MYO3B: variants seen among roughly 807,000 people sequenced by gnomAD.
MYO3B encodes myosin IIIB.
Under a neutral mutation model 174.6 loss-of-function variants are expected in MYO3B, and 156 were observed. The observed-to-expected ratio is 0.89, with a 90% CI of 0.78 to 1.02. MYO3B has a LOEUF of 1.02. Ranked by LOEUF, MYO3B falls within the 50% of genes least tolerant of loss-of-function variation. MYO3B has a pLI of 0.00. For synonymous variants in MYO3B, 563 were observed against 569.1 expected, an observed-to-expected ratio of 0.99 and a Z score of 0.15; for missense variants, 1,632 against 1,639.4, an observed-to-expected ratio of 1.00 and a Z score of 0.08.
intron 22 of MYO3B, among the ~76,000 whole-genome samples, chr2:170,418,107 C>A (rs1241134264): frequency 6.6e-6 from 1 of 152,170 alleles, no homozygotes; most frequent in Non-Finnish European, 1.5e-5. Context: ...TCAGTGAGGT[C>A]ACGTCCTAGT....
chr2:170,320,790 T>C (rs1011753989), intron 7 of MYO3B, among the ~76,000 whole-genome samples: 1 of 151,810 alleles, frequency 6.6e-6, no homozygotes, highest in Non-Finnish European at 1.5e-5. Context: ...GCATTACAAC[T>C]GGAAATAAAC....
chr2:170,525,804 G>A (rs1158809526), intron 30 of MYO3B, among the ~76,000 whole-genome samples: 1 of 152,230 alleles, frequency 6.6e-6, no homozygotes, highest in Admixed American at 6.5e-5. Context: ...CCGACTGTGG[G>A]CCAGATTTTC....
chr2:170,601,100 G>A (rs6433222), intron 32 of MYO3B, among the ~76,000 whole-genome samples: 3,943 of 152,046 alleles, frequency 0.026, 155 homozygotes, highest in African/African-American at 0.087. Context: ...ATTCAAAATG[G>A]GCAAAAGCTT....
At chr2:170,575,300 A>G (rs974493157) in intron 32 of MYO3B, among the ~76,000 whole-genome samples, 9 of 152,136 alleles carry the variant, frequency 5.9e-5, no homozygotes, top group Admixed American at 4.6e-4. Flanking sequence ...GTATTTATAT[A>G]TTCCCATATG....
At chr2:170,589,446 C>G (rs1216905955) in intron 32 of MYO3B, among the ~76,000 whole-genome samples, 2 of 152,060 alleles carry the variant, frequency 1.3e-5, no homozygotes, top group Non-Finnish European at 2.9e-5. Context: ...TGAAGACCTT[C>G]CAGTGGGACA....
chr2:170,437,141 G>A lies in MYO3B; in HGVS notation c.2651-6826G>A, dbSNP rs117856534. On this transcript the variant is annotated intron_variant, in intron 22 of 34. Transcript: ENST00000408978. ...TCAACTTGTTCAAAGTCACACTCCT[G>A]ACAAATGCAAAGCCCTGCAAAACTT... Among the ~76,000 whole-genome samples, 26 of 152,038 alleles carry A rather than the reference G, an allele frequency of 1.7e-4. No individual in the cohort carries two copies. The East Asian group carries it at 4.8e-3, about 28-fold the overall frequency.
intron 7 of MYO3B, among the ~76,000 whole-genome samples, chr2:170,251,591 C>A (rs528061636): frequency 6.6e-6 from 1 of 152,210 alleles, no homozygotes; most frequent in South Asian, 2.1e-4. Context: ...CAGAGACAGA[C>A]ACATAGAGGT....
In MYO3B at chr2:170,214,779, G is replaced by C. The variant is rs762480684; in HGVS notation, c.477G>C (p.Gly159=). Residue 159 remains glycine, a synonymous_variant, in exon 5 of 35, where the codon GGG becomes GGC. Transcript: ENST00000408978. ...GAATCATCCACCGTGATGTGAAGGG[G>C]AATAACATTCTTCTGACAACAGAAG... The part of the protein sequence containing the change: ...NNRIIHRDVK[G]NNILLTTEGG... The C allele has an allele frequency of 1.2e-6, 2 of 1,614,124 alleles. No individual in the cohort carries two copies. The highest frequency in any genetic ancestry group is 1.7e-6 in the Non-Finnish European group (2 of 1,179,988).
chr2:170,241,774 C>G (rs2093136985), intron 7 of MYO3B, among the ~76,000 whole-genome samples: 1 of 151,974 alleles, frequency 6.6e-6, no homozygotes, highest in Non-Finnish European at 1.5e-5. Flanking sequence ...CTACAATCGA[C>G]TCTCATCCTG....
intron 7 of MYO3B, among the ~76,000 whole-genome samples, chr2:170,260,815 T>C (rs1318878103): frequency 6.6e-6 from 1 of 152,206 alleles, no homozygotes; most frequent in African/African-American, 2.4e-5. Flanking sequence ...CAATAGCCTA[T>C]TTCTTGACTC....
intron 1 of MYO3B, among the ~76,000 whole-genome samples, chr2:170,183,460 TC>T (rs1277876099): frequency 6.6e-6 from 1 of 152,158 alleles, no homozygotes; most frequent in Non-Finnish European, 1.5e-5. Flanking sequence ...TCTCTTTAAT[TC>T]CTATTAAAAT....
chr2:170,227,829 C>T (rs150920269), intron 6 of MYO3B, among the ~76,000 whole-genome samples: 21 of 152,246 alleles, frequency 1.4e-4, no homozygotes, highest in African/African-American at 4.6e-4. Context: ...TCAATAGTTT[C>T]TGATTGGGTG....
intron 25 of MYO3B, among the ~76,000 whole-genome samples, chr2:170,490,090 G>T (rs557697749): frequency 6.8e-6 from 1 of 148,148 alleles, no homozygotes. Flanking sequence ...GTGCAGTGGC[G>T]TGATCTTGGC....
intron 7 of MYO3B, among the ~76,000 whole-genome samples, chr2:170,325,158 C>G (rs1237595444): frequency 6.6e-6 from 1 of 152,090 alleles, no homozygotes; most frequent in Non-Finnish European, 1.5e-5. Flanking sequence ...TCTCTTTACT[C>G]CTTAGTATCT....
intron 16 of MYO3B, among the ~76,000 whole-genome samples, chr2:170,393,024 A>G (rs1028028321): frequency 6.6e-6 from 1 of 151,276 alleles, no homozygotes; most frequent in Non-Finnish European, 1.5e-5. Flanking sequence ...TCTTGCAGTT[A>G]TTTCCTTCTC....
intron 7 of MYO3B, among the ~76,000 whole-genome samples, chr2:170,243,578 G>A (rs10930409): frequency 0.88 from 134,210 of 152,022 alleles, 60,189 homozygotes; most frequent in East Asian, 0.99. Context: ...GAGGATTTGA[G>A]TAATGTCGAC....
rs115626949 is a variant in MYO3B, at chr2:170,567,181, G to A, written c.3733+23193G>A. Among the ~76,000 whole-genome samples, 567 of 152,250 alleles carry A rather than the reference G, an allele frequency of 3.7e-3. 3 individuals are homozygous for A. The highest frequency in any genetic ancestry group is 0.013 in the African/African-American group (552 of 41,554). ...TTCCTAAGAGCAAAAATTAAATAAG[G>A]CAGTAGAGGAAGAAGAGGAGCTGAT... is the stretch of plus-strand genomic sequence containing the variant. On this transcript the variant is annotated intron_variant, in intron 32 of 34. Transcript: ENST00000408978.
chr2:170,242,222 A>G (rs2093142208), intron 7 of MYO3B, among the ~76,000 whole-genome samples: 1 of 152,246 alleles, frequency 6.6e-6, no homozygotes, highest in Non-Finnish European at 1.5e-5. Flanking sequence ...TAGAAGAATT[A>G]GCATCATTTA....
intron 30 of MYO3B, among the ~76,000 whole-genome samples, chr2:170,535,542 A>G (rs1689635879): frequency 6.6e-6 from 1 of 152,196 alleles, no homozygotes; most frequent in South Asian, 2.1e-4. Context: ...GATTATCTGG[A>G]AGAGTCCAGT....
Sources: gnomAD v4.1 joint callset for allele counts (sites outside exome capture counted in the v4.1 genomes callset) on GRCh38, gnomAD v4.1.1 for gene constraint, MANE v1.5 for transcripts, NCBI Gene and HGNC (gene_info 2026-07-23, HGNC 2026-07-21) for gene names.